EML6: variants seen among roughly 807,000 people sequenced by gnomAD.
The protein encoded by EML6 is echinoderm microtubule-associated protein-like 6.
Under a neutral mutation model 240.1 loss-of-function variants are expected in EML6, and 154 were observed. That is an observed-to-expected ratio of 0.64 (90% CI 0.56 to 0.73). EML6 has a LOEUF of 0.73. Ranked by LOEUF, EML6 falls within the 30% of genes least tolerant of loss-of-function variation. EML6 has a pLI of 0.00. For missense variants in EML6, 2,964 were observed against 2,474.6 expected, an observed-to-expected ratio of 1.20 and a Z score of -4.20; for synonymous variants, 1,148 against 899.0, an observed-to-expected ratio of 1.28 and a Z score of -4.95.
rs1212179676 is a variant in EML6, at chr2:54,911,010, A to G, written c.3466A>G (p.Arg1156Gly). ...AREQLFFEAP[R>G]GKRHIIRPSE... ...AGAACAACTTTTTTTTGAAGCTCCAAGAGGCAAACGGCATATAATAAGACC... is the reference window on the plus strand; with the variant it reads ...AGAACAACTTTTTTTTGAAGCTCCAGGAGGCAAACGGCATATAATAAGACC... The change falls in exon 25 of 42, where the codon AGA becomes GGA. Residue 1156 changes from arginine to glycine, a missense_variant. By Grantham distance (125) the Arg-to-Gly change is moderately radical. Coordinates refer to ENST00000356458, the MANE Select transcript of EML6 (RefSeq NM_001039753.4). 6.5e-6 allele frequency: 10 copies of G among 1,541,418 alleles called. No individual in the cohort carries two copies. Among genetic ancestry groups the G allele is most frequent in the Non-Finnish European group, 8.8e-6 (10 of 1,139,354 alleles).
At chr2:54,941,362 G>A (rs1272388857) in intron 28 of EML6, among the ~76,000 whole-genome samples, 1 of 152,082 alleles carries the variant, frequency 6.6e-6, no homozygotes, top group Non-Finnish European at 1.5e-5. Flanking sequence ...GGAATTTCAA[G>A]CTCGCCTGAG....
At chr2:54,805,599 T>C (rs1416409481) in intron 2 of EML6, among the ~76,000 whole-genome samples, 3 of 152,180 alleles carry the variant, frequency 2.0e-5, no homozygotes, top group Admixed American at 1.3e-4. Context: ...ATTTTGTTGT[T>C]TTTTTCTTTT....
At chr2:54,929,478 A>G (rs531976175) in intron 28 of EML6, among the ~76,000 whole-genome samples, 3 of 152,334 alleles carry the variant, frequency 2.0e-5, no homozygotes, top group South Asian at 4.1e-4. Flanking sequence ...ACTCTTAATA[A>G]CTAAAGAGAA....
chr2:54,938,330 G>A (rs572393023), intron 28 of EML6, among the ~76,000 whole-genome samples: 1 of 152,316 alleles, frequency 6.6e-6, no homozygotes, highest in African/African-American at 2.4e-5. Flanking sequence ...TGAAGTTTCT[G>A]TAATTTTAGG....
Position 54,903,193 on chromosome 2 carries a change from A to G in EML6, c.3274A>G (p.Lys1092Glu), listed in dbSNP as rs878930647. 6.4e-7 allele frequency: 1 copy of G among 1,551,826 alleles called. No homozygotes were observed. Among genetic ancestry groups the G allele is most frequent in the Admixed American group, 2.0e-5 (1 of 50,982 alleles). The change falls in exon 23 of 42, where the codon AAA (lysine) becomes GAA (glutamate). Residue 1092 changes from lysine (K) to glutamate (E), a missense_variant. Transcript: ENST00000356458. Reference protein sequence around the residue: ...KEMISDIKFSKDTGKYLAVAS... With the variant: ...KEMISDIKFSEDTGKYLAVAS... ...AATGATCTCTGATATTAAGTTTTCA[A>G]AAGGTGAAGATGACAGCAGATACTT...
In EML6 at chr2:54,899,787, A is replaced by G. The variant is rs374612188; in HGVS notation, c.3124+5A>G. On this transcript the variant is annotated splice_donor_5th_base_variant and intron_variant, in intron 22 of 41. Coordinates refer to ENST00000356458, the MANE Select transcript of EML6 (RefSeq NM_001039753.4). ...CAGTACGGAAACTCAAAAAAGGTACATAACACCACCTTACACATCTGTCAG... is the reference window on the plus strand; with the variant it reads ...CAGTACGGAAACTCAAAAAAGGTACGTAACACCACCTTACACATCTGTCAG... 96 of 1,549,748 alleles carry G rather than the reference A, an allele frequency of 6.2e-5. No individual in the cohort carries two copies. The highest frequency in any genetic ancestry group is 8.0e-5 in the Non-Finnish European group (92 of 1,145,878).
At chr2:54,929,760 C>A (rs116304951) in intron 28 of EML6, among the ~76,000 whole-genome samples, 85 of 152,124 alleles carry the variant, frequency 5.6e-4, no homozygotes, top group East Asian at 4.4e-3. Context: ...TTAAAATAAA[C>A]TTGGTAAATG....
At position 54,847,627 on chromosome 2, in the gene EML6, CGTACTGAT is replaced by C. The variant is rs1558607557; in HGVS notation, c.1187+7_1187+14del. The C allele has an allele frequency of 6.4e-7, 1 of 1,551,718 alleles. No individual in the cohort carries two copies. The highest frequency in any genetic ancestry group is 8.7e-7 in the Non-Finnish European group (1 of 1,146,870). ...CTTTCATTGTTCTCCGAGTCAGGCA[CGTACTGAT>C]GTTGAAAATGGTATTTAGAAATGCT... is the stretch of plus-strand genomic sequence containing the variant. On this transcript the variant is annotated splice_donor_5th_base_variant and intron_variant, in intron 9 of 41. Coordinates refer to ENST00000356458, the MANE Select transcript of EML6 (RefSeq NM_001039753.4).
At chr2:54,875,888 T>G (rs912947070) in intron 16 of EML6, among the ~76,000 whole-genome samples, 1 of 152,218 alleles carries the variant, frequency 6.6e-6, no homozygotes, top group Non-Finnish European at 1.5e-5. Context: ...ATATAATTTT[T>G]TTAAAAGCTT....
At chr2:54,944,621 C>A (rs1005905745) in intron 28 of EML6, among the ~76,000 whole-genome samples, 1 of 152,096 alleles carries the variant, frequency 6.6e-6, no homozygotes, top group Non-Finnish European at 1.5e-5. Context: ...AAGTCTAAGA[C>A]GATATCCCCA....
chr2:54,952,444 TC>T, intron 30 of EML6, 149 bp from the exon 31 acceptor site: 2 of 542,618 alleles, frequency 3.7e-6, no homozygotes, highest in Non-Finnish European at 6.5e-6. Context: ...ACCCTTCATC[TC>T]CCCAAGTGTG....
At chr2:54,952,482 G>C in intron 30 of EML6, 112 bp from the exon 31 acceptor site, 1 of 624,338 alleles carries the variant, frequency 1.6e-6, no homozygotes, top group Non-Finnish European at 2.7e-6. Context: ...TTTGAGGGCT[G>C]TAAGCTCTCA....
intron 32 of EML6, among the ~76,000 whole-genome samples, chr2:54,954,384 A>G (rs1213710784): frequency 3.9e-5 from 6 of 152,142 alleles, no homozygotes; most frequent in Non-Finnish European, 7.3e-5. Context: ...TCCAGGGCCC[A>G]TTAGTGAAGG....
chr2:54,954,651 C>T (rs1456304808), intron 32 of EML6, among the ~76,000 whole-genome samples: 3 of 152,106 alleles, frequency 2.0e-5, no homozygotes, highest in Admixed American at 6.5e-5. Context: ...ATTTATCTTA[C>T]AATCCAGGTT....
intron 2 of EML6, among the ~76,000 whole-genome samples, chr2:54,792,244 G>C (rs191014192): frequency 2.1e-4 from 32 of 152,260 alleles, no homozygotes; most frequent in Admixed American, 2.1e-3. Context: ...AATGGGTCTC[G>C]ATATATTTTG....
chr2:54,928,864 AAATC>A, intron 28 of EML6, 113 bp downstream of exon 28: 2 of 1,262,516 alleles, frequency 1.6e-6, no homozygotes, highest in Non-Finnish European at 2.2e-6. Context: ...AGTCTTTTAT[AAATC>A]TTCACAGAGT....
intron 17 of EML6, among the ~76,000 whole-genome samples, chr2:54,884,824 A>G (rs1236194946): frequency 6.6e-6 from 1 of 152,164 alleles, no homozygotes; most frequent in Non-Finnish European, 1.5e-5. Flanking sequence ...GGTTTTCTCT[A>G]GTCTCTCTAA....
intron 28 of EML6, among the ~76,000 whole-genome samples, chr2:54,934,227 ACT>A (rs1166473486): frequency 6.6e-6 from 1 of 151,998 alleles, no homozygotes; most frequent in Non-Finnish European, 1.5e-5. Context: ...GTAACATAAT[ACT>A]CTCTTAAAAG....
intron 7 of EML6, among the ~76,000 whole-genome samples, chr2:54,835,976 C>T (rs1549840): frequency 0.32 from 48,631 of 152,024 alleles, 8,975 homozygotes; most frequent in East Asian, 0.57. Flanking sequence ...TCCTATTCTC[C>T]AGTCCCGCGG....
Sources: gnomAD v4.1 joint callset for allele counts (sites outside exome capture counted in the v4.1 genomes callset) on GRCh38, gnomAD v4.1.1 for gene constraint, MANE v1.5 for transcripts, NCBI Gene and HGNC (gene_info 2026-07-23, HGNC 2026-07-21) for gene names.